The following TLDC2 variants were observed in gnomAD, a reference collection of about 807,000 sequenced individuals.
TLDC2 encodes the protein TLD domain-containing protein 2.
A neutral mutation model predicts 27.9 loss-of-function variants in TLDC2; 23 were observed. That is an observed-to-expected ratio of 0.82 (90% CI 0.59 to 1.17). TLDC2 has a LOEUF of 1.17. Ranked by LOEUF, TLDC2 falls within the 50% of genes most tolerant of loss-of-function variation. TLDC2 has a pLI of 0.00. For missense variants in TLDC2, 286 were observed against 273.4 expected (o/e 1.05, Z -0.32); for synonymous variants, 124 against 107.4 (o/e 1.16, Z -0.96).
chr20:36,887,206 C>T (rs1989939137), intron 4 of TLDC2, among the ~76,000 whole-genome samples: 1 of 152,102 alleles, frequency 6.6e-6, no homozygotes, highest in Non-Finnish European at 1.5e-5. Context: ...CCTCAGGGGT[C>T]GTTGTCCTAT....
intron 4 of TLDC2, among the ~76,000 whole-genome samples, chr20:36,885,221 G>A (rs1989896793): frequency 1.3e-5 from 2 of 152,114 alleles, no homozygotes; most frequent in South Asian, 4.1e-4. Context: ...CCACTAGAAA[G>A]TCAGTCCGTT....
In TLDC2 at chr20:36,879,091, C is replaced by A; in HGVS notation, c.240C>A (p.Val80=). The A allele has an allele frequency of 6.2e-7, 1 of 1,614,166 alleles. No individual in the cohort carries two copies. Among genetic ancestry groups the A allele is most frequent in the South Asian group, 1.1e-5 (1 of 91,076 alleles). ...TCACCGGCCATCCCTGGAGTCTGGT[C>A]TTCTGCACGTCAAGGGACGGTTTCA... is the stretch of plus-strand genomic sequence containing the variant. ...PRVTGHPWSL[V]FCTSRDGFSL... Residue 80 remains valine, a synonymous_variant, in exon 3 of 7, where the codon GTC becomes GTA. Coordinates refer to ENST00000217320, the MANE Select transcript of TLDC2 (RefSeq NM_080628.3).
chr20:36,885,483 C>T (rs538868542), intron 4 of TLDC2, among the ~76,000 whole-genome samples: 1 of 152,260 alleles, frequency 6.6e-6, no homozygotes, highest in Non-Finnish European at 1.5e-5. Context: ...CAAACGGCAC[C>T]ATGAACTTGG....
intron 1 of TLDC2, among the ~76,000 whole-genome samples, chr20:36,877,367 C>G (rs146960376): frequency 4.6e-4 from 57 of 124,260 alleles, no homozygotes; most frequent in African/African-American, 1.7e-3. Context: ...GGTGACAGAG[C>G]AAGACCCTGT....
chr20:36,881,961 T>C (rs1246405368), intron 4 of TLDC2, among the ~76,000 whole-genome samples: 4 of 152,140 alleles, frequency 2.6e-5, no homozygotes, highest in African/African-American at 9.7e-5. Context: ...CAGAAACCCA[T>C]TCTGGGGCAG....
rs1990151494 is a variant in TLDC2 at position 36,894,196 on chromosome 20, A to T, written c.*1352A>T. ...AATTTTTTCTGTTGAACTACACTGG[A>T]TCTGACTTGATAGAACTATTAAAAA... is the stretch of plus-strand genomic sequence containing the variant. On this transcript the variant is annotated 3_prime_UTR_variant, in exon 7 of 7. Coordinates refer to ENST00000217320, the MANE Select transcript of TLDC2 (RefSeq NM_080628.3). The T allele has an allele frequency of 2.7e-6, 1 of 374,442 alleles. No homozygotes were observed. Among genetic ancestry groups the T allele is most frequent in the Non-Finnish European group, 4.7e-6 (1 of 212,122 alleles). The allele number at this position is 374,442 out of a possible 1,614,324, so 23.2% of individuals were successfully genotyped here.
intron 3 of TLDC2, among the ~76,000 whole-genome samples, 163 bp downstream of exon 3, chr20:36,879,356 C>A (rs1215604257): frequency 6.6e-6 from 1 of 152,200 alleles, no homozygotes; most frequent in East Asian, 1.9e-4. Flanking sequence ...CAGAGCCATT[C>A]CCCCATTTAT....
intron 4 of TLDC2, among the ~76,000 whole-genome samples, chr20:36,884,875 CTTT>C (rs11480944): frequency 9.7e-6 from 1 of 103,224 alleles, no homozygotes; most frequent in South Asian, 3.1e-4. Context: ...CACAGAAATT[CTTT>C]TTTTTTTTTT....
At chr20:36,891,543 A>G (rs7265241) in intron 6 of TLDC2, 11,127 of 152,454 alleles carry the variant, frequency 0.073, 466 homozygotes, top group South Asian at 0.088. Flanking sequence ...GTGAATTGCT[A>G]TAGAACTGGG....
At chr20:36,879,416 G>T (rs1478739767) in intron 3 of TLDC2, among the ~76,000 whole-genome samples, 4 of 152,298 alleles carry the variant, frequency 2.6e-5, no homozygotes, top group Non-Finnish European at 4.4e-5. Flanking sequence ...GGTGAGAGGT[G>T]GGATAGAGCA....
At chr20:36,885,395 A>G (rs1989900887) in intron 4 of TLDC2, among the ~76,000 whole-genome samples, 1 of 152,198 alleles carries the variant, frequency 6.6e-6, no homozygotes, top group South Asian at 2.1e-4. Context: ...CTTCTAAAAA[A>G]TTGGTTAATT....
intron 1 of TLDC2, among the ~76,000 whole-genome samples, chr20:36,877,349 C>T (rs1989693229): frequency 6.7e-6 from 1 of 149,336 alleles, no homozygotes; most frequent in South Asian, 2.1e-4. Context: ...CCTCTGAACT[C>T]CAGCCTGGGT....
chr20:36,893,222 G>A lies in TLDC2; in HGVS notation c.*378G>A. On this transcript the variant is annotated 3_prime_UTR_variant, in exon 7 of 7. Coordinates refer to ENST00000217320, the MANE Select transcript of TLDC2 (RefSeq NM_080628.3). ...GGAAACTCCAAATTACATATGCCCT[G>A]TGCTTGGGGCAAATTAGAAACACTA... The A allele has an allele frequency of 1.2e-6, 1 of 855,854 alleles. No homozygotes were observed. The highest frequency in any genetic ancestry group is 1.8e-6 in the Non-Finnish European group (1 of 540,926). The allele number at this position is 855,854 out of a possible 1,614,324, so 53.0% of individuals were successfully genotyped here. A position where few individuals can be genotyped will look rare whatever the true frequency, so the allele number is the denominator to read the frequency against.
At chr20:36,888,212 A>T (rs1989967891) in intron 5 of TLDC2, among the ~76,000 whole-genome samples, 1 of 152,006 alleles carries the variant, frequency 6.6e-6, no homozygotes, top group South Asian at 2.1e-4. Flanking sequence ...CCTGAGATGT[A>T]CTAGCTTTGG....
At position 36,893,097 on chromosome 20, in the gene TLDC2, A is replaced by T; in HGVS notation, c.*253A>T. ...AGGAAGAGAGAGAAAAACAGGCAAT[A>T]GAGAAAAGCCAGTTTCCATCATCTT... On this transcript the variant is annotated 3_prime_UTR_variant, in exon 7 of 7. Transcript: ENST00000217320. The T allele has an allele frequency of 6.2e-7, 1 of 1,609,798 alleles. No individual in the cohort carries two copies. Among genetic ancestry groups the T allele is most frequent in the African/African-American group, 1.3e-5 (1 of 75,052 alleles).
At chr20:36,886,463 C>T (rs1171004098) in intron 4 of TLDC2, among the ~76,000 whole-genome samples, 1 of 152,032 alleles carries the variant, frequency 6.6e-6, no homozygotes, top group Non-Finnish European at 1.5e-5. Context: ...CGTGGTGGTG[C>T]GTGCCTGTAG....
chr20:36,889,319 A>G lies in TLDC2; in HGVS notation c.581A>G (p.Asn194Ser), dbSNP rs151095581. The change falls in exon 6 of 7, where the codon AAC becomes AGC. Residue 194 changes from asparagine to serine, a missense_variant. Physicochemically the swap from Asn to Ser is conservative, Grantham distance 46 (BLOSUM62 1). Coordinates refer to ENST00000217320, the MANE Select transcript of TLDC2 (RefSeq NM_080628.3). ...RGGSSPCPTF[N>S]NEVLARQEQF... is the part of the protein sequence containing the mutation. ...GGAAGCTCCCCTTGCCCGACCTTCA[A>G]CAACGAGGTGCTGGCCCGGCAGGAG... The G allele has an allele frequency of 7.0e-5, 113 of 1,614,224 alleles. 1 individual carries two copies. The African/African-American group carries it at 1.2e-3, about 17-fold the overall frequency.
At chr20:36,887,581 TC>T in intron 5 of TLDC2, 53 bp downstream of exon 5, 1 of 1,541,622 alleles carries the variant, frequency 6.5e-7, no homozygotes, top group African/African-American at 1.4e-5. Context: ...CTGGTCCCTT[TC>T]CCTCTGCCGA....
intron 5 of TLDC2, 53 bp from the exon 6 acceptor site, chr20:36,889,198 G>A: frequency 6.3e-7 from 1 of 1,592,858 alleles, no homozygotes; most frequent in Non-Finnish European, 8.6e-7. Context: ...GCAGAGCCTG[G>A]GGGTTTCAGC....
Sources: gnomAD v4.1 joint callset for allele counts (sites outside exome capture counted in the v4.1 genomes callset) on GRCh38, gnomAD v4.1.1 for gene constraint, MANE v1.5 for transcripts, NCBI Gene and HGNC (gene_info 2026-07-23, HGNC 2026-07-21) for gene names.